The following EYS variants were observed in gnomAD, a reference collection of about 807,000 sequenced individuals.
The protein encoded by EYS is protein eyes shut homolog.
A neutral mutation model predicts 282.1 loss-of-function variants in EYS; 250 were observed. That is an observed-to-expected ratio of 0.89 (90% CI 0.80 to 0.98). The LOEUF is 0.98. Ranked by LOEUF, EYS falls within the 50% of genes least tolerant of loss-of-function variation. EYS has a pLI of 0.00. For missense variants in EYS, 4,016 were observed against 3,709.0 expected, an observed-to-expected ratio of 1.08 and a Z score of -2.15; for synonymous variants, 1,355 against 1,282.9, an observed-to-expected ratio of 1.06 and a Z score of -1.20.
chr6:64,315,022 C>T (rs1769888362), intron 29 of EYS, among the ~76,000 whole-genome samples: 1 of 151,782 alleles, frequency 6.6e-6, no homozygotes, highest in Middle Eastern at 3.4e-3. Flanking sequence ...CTAGATACAC[C>T]ACCAGCCAGA....
chr6:64,718,606 A>T (rs1216353145), intron 22 of EYS, among the ~76,000 whole-genome samples: 1 of 152,118 alleles, frequency 6.6e-6, no homozygotes, highest in Non-Finnish European at 1.5e-5. Context: ...TCATTGTGTG[A>T]TTTTGCATAG....
intron 15 of EYS, among the ~76,000 whole-genome samples, chr6:64,939,734 G>A (rs1355804792): frequency 2.0e-5 from 3 of 151,820 alleles, no homozygotes; most frequent in Admixed American, 2.0e-4. Context: ...TTTTGGGAAG[G>A]AGCAAAGTAG....
At chr6:65,089,982 T>TACACACACACAC (rs113762450) in intron 12 of EYS, among the ~76,000 whole-genome samples, 1 of 141,272 alleles carries the variant, frequency 7.1e-6, no homozygotes, top group African/African-American at 2.6e-5. Context: ...TATAAATAAA[T>TACACACACACAC]ACACACACAC....
intron 24 of EYS, among the ~76,000 whole-genome samples, chr6:64,608,161 C>A (rs662038): frequency 7.2e-5 from 11 of 152,046 alleles, no homozygotes; most frequent in Non-Finnish European, 1.3e-4. Flanking sequence ...GTGATTAACA[C>A]CACAATAATT....
At chr6:64,391,653 A>G (rs1189422142) in intron 28 of EYS, among the ~76,000 whole-genome samples, 1 of 152,136 alleles carries the variant, frequency 6.6e-6, no homozygotes, top group Non-Finnish European at 1.5e-5. Context: ...AACAACCCGT[A>G]CCAGCCGCTG....
chr6:64,888,811 T>C (rs1049945002), intron 18 of EYS, among the ~76,000 whole-genome samples: 2 of 152,070 alleles, frequency 1.3e-5, no homozygotes, highest in African/African-American at 4.8e-5. Flanking sequence ...TGCTACTTTG[T>C]GTTCTCACTG....
At chr6:64,004,513 A>G (rs1268818285) in intron 33 of EYS, among the ~76,000 whole-genome samples, 1 of 151,650 alleles carries the variant, frequency 6.6e-6, no homozygotes, top group Non-Finnish European at 1.5e-5. Context: ...AGTTTGTTAT[A>G]TAAGTAAATT....
At chr6:64,196,673 TCATAGATGGGAATTGAACAATGAGAACA>T (rs1409705446) in intron 31 of EYS, among the ~76,000 whole-genome samples, 2 of 146,020 alleles carry the variant, frequency 1.4e-5, no homozygotes, top group Non-Finnish European at 3.0e-5. Flanking sequence ...ATGTTCTCAC[TCATAGATGGGAATTGAACAATGAGAACA>T]CATGGACACA....
intron 22 of EYS, among the ~76,000 whole-genome samples, chr6:64,697,408 G>C (rs1388102481): frequency 6.6e-6 from 1 of 152,116 alleles, no homozygotes; most frequent in Admixed American, 6.6e-5. Flanking sequence ...TAGACCTAAG[G>C]AAAGGGAGAG....
chr6:65,187,433 T>G (rs947592370), intron 12 of EYS, among the ~76,000 whole-genome samples: 3 of 151,704 alleles, frequency 2.0e-5, no homozygotes, highest in African/African-American at 7.2e-5. Flanking sequence ...AAAGTCAAAC[T>G]CATGTCAACA....
intron 30 of EYS, among the ~76,000 whole-genome samples, chr6:64,292,445 A>G (rs1424439210): frequency 6.6e-6 from 1 of 152,104 alleles, no homozygotes; most frequent in African/African-American, 2.4e-5. Flanking sequence ...TTGAGTTGCT[A>G]GAGAGCTAGG....
intron 13 of EYS, among the ~76,000 whole-genome samples, chr6:65,043,895 A>G (rs575520450): frequency 1.1e-4 from 17 of 151,634 alleles, no homozygotes; most frequent in Non-Finnish European, 1.9e-4. Context: ...TTGCATACAT[A>G]CCCAGAAATG....
intron 22 of EYS, among the ~76,000 whole-genome samples, chr6:64,743,361 C>A (rs900799357): frequency 5.3e-5 from 8 of 152,018 alleles, no homozygotes; most frequent in Non-Finnish European, 8.8e-5. Context: ...CACATCTGGC[C>A]AAACCACATA....
rs1157708299 is a variant in EYS at position 64,465,615 on chromosome 6, G to GA, written c.5645-26264dup. Among the ~76,000 whole-genome samples the GA allele has an allele frequency of 2.0e-5, 3 of 152,048 alleles. No homozygotes were observed. The East Asian group carries it at 5.8e-4, about 29-fold the overall frequency. On this transcript the variant is annotated intron_variant, in intron 26 of 42. Transcript: ENST00000503581. ...AAATAAACTGAAAAGATTAAACACT[G>GA]AAATGTAAGACCTGAAACTGTAAAA...
chr6:63,737,549 CT>C (rs1367448828), intron 41 of EYS, among the ~76,000 whole-genome samples: 2 of 152,100 alleles, frequency 1.3e-5, no homozygotes, highest in Non-Finnish European at 2.9e-5. Context: ...CTAAAATTCT[CT>C]TTTTTGGTTG....
At chr6:64,758,777 C>A (rs143732100) in intron 22 of EYS, among the ~76,000 whole-genome samples, 1 of 152,088 alleles carries the variant, frequency 6.6e-6, no homozygotes, top group African/African-American at 2.4e-5. Context: ...AAAGAGTCTA[C>A]CCTTTGGGCA....
At chr6:64,231,158 C>T (rs916864573) in intron 30 of EYS, among the ~76,000 whole-genome samples, 6 of 152,106 alleles carry the variant, frequency 3.9e-5, no homozygotes, top group African/African-American at 9.7e-5. Flanking sequence ...GGTCATGTTA[C>T]ATCTTCATGC....
chr6:64,944,773 A>G (rs924053318), intron 15 of EYS, among the ~76,000 whole-genome samples: 3 of 152,126 alleles, frequency 2.0e-5, no homozygotes, highest in Admixed American at 6.6e-5. Context: ...CATTTGTTCA[A>G]TTCTGAGATC....
At chr6:64,931,366 AATAGGAT>A (rs1326138797) in intron 15 of EYS, among the ~76,000 whole-genome samples, 8 of 152,148 alleles carry the variant, frequency 5.3e-5, no homozygotes, top group Non-Finnish European at 1.2e-4. Flanking sequence ...CACAAAGTTA[AATAGGAT>A]ATTCATGTAT....
Sources: allele counts gnomAD v4.1 joint callset (sites outside exome capture counted in the v4.1 genomes callset), GRCh38; gene constraint gnomAD v4.1.1; transcripts MANE v1.5; gene names NCBI Gene and HGNC (gene_info 2026-07-23, HGNC 2026-07-21).